UNC5A: variants seen among roughly 807,000 people sequenced by gnomAD.
UNC5A encodes netrin receptor UNC5A.
In UNC5A, 20 loss-of-function variants were observed where a neutral mutation model predicts 87.4. That is an observed-to-expected ratio of 0.23 (90% confidence interval 0.16 to 0.33). UNC5A has a LOEUF of 0.33. Among genes scored for constraint, UNC5A ranks in the 10% least tolerant of loss-of-function variants. UNC5A has a pLI of 1.00. For synonymous variants in UNC5A, 438 were observed against 482.3 expected (o/e 0.91, Z 1.20); for missense variants, 844 against 1,133.4 (o/e 0.74, Z 3.67).
intron 1 of UNC5A, among the ~76,000 whole-genome samples, chr5:176,839,209 C>T (rs1012455259): frequency 6.6e-6 from 1 of 152,222 alleles, no homozygotes; most frequent in Non-Finnish European, 1.5e-5. Flanking sequence ...TCTGACCCCT[C>T]ACAGCACCTA....
chr5:176,848,387 T>C lies in UNC5A; in HGVS notation c.71-14237T>C, dbSNP rs986526273. ...GTGACACTGAGGCCACCCCTCTCTT[T>C]CCTCCATGTTCCTCCAAGACCCTAG... On this transcript the variant is annotated intron_variant, in intron 1 of 14. Transcript: ENST00000329542. The surrounding 1 kb of genome is among the most constrained non-coding windows in gnomAD (Gnocchi z 5.8). Among the ~76,000 whole-genome samples the C allele has an allele frequency of 3.9e-5, 6 of 152,002 alleles. No homozygotes were observed. Among genetic ancestry groups the C allele is most frequent in the Non-Finnish European group, 8.8e-5 (6 of 68,000 alleles).
chr5:176,854,830 C>A (rs1456843306), intron 1 of UNC5A, among the ~76,000 whole-genome samples: 2 of 152,198 alleles, frequency 1.3e-5, no homozygotes, highest in Non-Finnish European at 2.9e-5. Flanking sequence ...TATGGGAAGA[C>A]ACATGCATAA....
chr5:176,866,782 C>T lies in UNC5A; in HGVS notation c.293-1348C>T, dbSNP rs1373205117. On this transcript the variant is annotated intron_variant, in intron 2 of 14. Transcript: ENST00000329542. This position sits in a 1 kb window ranked among gnomAD's most constrained non-coding sequence, Gnocchi z 5.0. ...CACCCCCTCGTTCTCAGCCTGCCCA[C>T]CCCACCCCCTGAGAGTGTCCACACT... is the stretch of plus-strand genomic sequence containing the variant. 1.3e-5 allele frequency among the ~76,000 whole-genome samples: 2 copies of T among 152,124 alleles called. No homozygotes were observed. Among genetic ancestry groups the T allele is most frequent in the African/African-American group, 4.8e-5 (2 of 41,436 alleles).
At chr5:176,817,923 G>A (rs951898384) in intron 1 of UNC5A, among the ~76,000 whole-genome samples, 1 of 152,024 alleles carries the variant, frequency 6.6e-6, no homozygotes, top group African/African-American at 2.4e-5. Context: ...GGGAAGGGGC[G>A]GGATGCCTCC....
chr5:176,837,070 T>C (rs1411431974), intron 1 of UNC5A, among the ~76,000 whole-genome samples: 1 of 152,164 alleles, frequency 6.6e-6, no homozygotes. Context: ...GTGCCTTCCC[T>C]CTCACCAGAC....
Position 176,880,072 on chromosome 5 carries a change from C to A in UNC5A, c.*186C>A. On this transcript the variant is annotated 3_prime_UTR_variant, in exon 15 of 15. Coordinates refer to ENST00000329542, the MANE Select transcript of UNC5A (RefSeq NM_133369.3). ...GAACTCCCACCTCTCCATGGCCTGCCTAGCCAGGCTGGCACTGCCACTCAC... is the reference window on the plus strand; with the variant it reads ...GAACTCCCACCTCTCCATGGCCTGCATAGCCAGGCTGGCACTGCCACTCAC... 1 of 776,632 alleles carries A rather than the reference C, an allele frequency of 1.3e-6. No individual in the cohort carries two copies. The highest frequency in any genetic ancestry group is 2.0e-6 in the Non-Finnish European group (1 of 506,516). The allele number at this position is 776,632 out of a possible 1,614,324, so 48.1% of individuals were successfully genotyped here. A position where few individuals can be genotyped will look rare whatever the true frequency, so the allele number is the denominator to read the frequency against.
rs1047678944 is a variant in UNC5A at position 176,869,217 on chromosome 5, T to G, written c.721+253T>G. 5.9e-5 allele frequency among the ~76,000 whole-genome samples: 9 copies of G among 151,988 alleles called. No homozygotes were observed. The highest frequency in any genetic ancestry group is 3.3e-4 in the Admixed American group (5 of 15,274). ...GTGCAGAAGGAGATGAGGGACAGGA[T>G]GGGAATCTAGGAAAGGTGACAGGCT... On this transcript the variant is annotated intron_variant, in intron 5 of 14. Coordinates refer to ENST00000329542, the MANE Select transcript of UNC5A (RefSeq NM_133369.3). The surrounding 1 kb of genome is among the most constrained non-coding windows in gnomAD (Gnocchi z 9.1).
Position 176,843,209 on chromosome 5 carries a change from A to G in UNC5A, c.71-19415A>G, listed in dbSNP as rs496266. ...GAAAGAAAGAAAAAAAGAAAAGAAA[A>G]TCATCAAAATGTGGAAACAGCCCAG... On this transcript the variant is annotated intron_variant, in intron 1 of 14. Transcript: ENST00000329542. Among the ~76,000 whole-genome samples the G allele has an allele frequency of 8.1e-3, 1,235 of 152,096 alleles. 15 individuals carry two copies. The highest frequency in any genetic ancestry group is 0.028 in the African/African-American group (1,151 of 41,518).
At chr5:176,864,524 C>A (rs1474837948) in intron 2 of UNC5A, among the ~76,000 whole-genome samples, 7 of 152,312 alleles carry the variant, frequency 4.6e-5, no homozygotes, top group African/African-American at 1.7e-4. Flanking sequence ...AGCCCCAGAA[C>A]CAGCTTGTCA....
At chr5:176,829,166 ATG>A (rs1756927473) in intron 1 of UNC5A, among the ~76,000 whole-genome samples, 1 of 46,492 alleles carries the variant, frequency 2.2e-5, no homozygotes, top group Admixed American at 2.3e-4. Context: ...AGATGGATGG[ATG>A]GATGGATGGA....
At position 176,810,643 on chromosome 5, in the gene UNC5A, C is replaced by A; in HGVS notation, c.-108C>A. ...GCCCGGAGGCAGCGCAGTCCGCTGG[C>A]ATGGGCCCCGGGGGCGCCCCGAGCT... On this transcript the variant is annotated 5_prime_UTR_variant, in exon 1 of 15. Transcript: ENST00000329542. This position sits in a 1 kb window ranked among gnomAD's most constrained non-coding sequence, Gnocchi z 7.3. 1 of 271,696 alleles carries A rather than the reference C, an allele frequency of 3.7e-6. No homozygotes were observed. The highest frequency in any genetic ancestry group is 5.6e-6 in the Non-Finnish European group (1 of 179,320). The allele number at this position is 271,696 out of a possible 1,614,324, so 16.8% of individuals were successfully genotyped here.
rs749161449 is a variant in UNC5A, at chr5:176,878,033, G to A, written c.1775G>A (p.Arg592His). 12 of 1,608,542 alleles carry A rather than the reference G, an allele frequency of 7.5e-6. No individual in the cohort carries two copies. The highest frequency in any genetic ancestry group is 1.3e-5 in the African/African-American group (1 of 74,928). ...GCCCTCAGCGTGGCTGCCGCCAAGCGCCTCAAGCTGCTTCTGTTTGCGCCG... is the reference window on the plus strand; with the variant it reads ...GCCCTCAGCGTGGCTGCCGCCAAGCACCTCAAGCTGCTTCTGTTTGCGCCG... Reference protein sequence around the residue: ...GEALSVAAAKRLKLLLFAPVA... With the variant: ...GEALSVAAAKHLKLLLFAPVA... Residue 592 changes from arginine (R) to histidine (H), a missense_variant, in exon 11 of 15, where the codon CGC (arginine) becomes CAC (histidine). By Grantham distance (29) the Arg-to-His change is conservative. Transcript: ENST00000329542.
At chr5:176,849,354 G>A (rs1757487246) in intron 1 of UNC5A, among the ~76,000 whole-genome samples, 1 of 152,220 alleles carries the variant, frequency 6.6e-6, no homozygotes, top group South Asian at 2.1e-4. Flanking sequence ...GGAGGCCAAG[G>A]CAGGTGGATC....
At chr5:176,870,871 C>T (rs1322579067) in intron 6 of UNC5A, among the ~76,000 whole-genome samples, 3 of 148,286 alleles carry the variant, frequency 2.0e-5, no homozygotes, top group Non-Finnish European at 4.5e-5. Context: ...CACAGCTTCC[C>T]ATCTGCCCAC....
chr5:176,868,852 G>C lies in UNC5A; in HGVS notation c.609G>C (p.Glu203Asp). The change falls in exon 5 of 15, where the codon GAG becomes GAC. Residue 203 changes from glutamate to aspartate, a missense_variant. This residue lies in a region of UNC5A where 314 missense variants were observed against 466.5 expected (regional missense o/e 0.67). Coordinates refer to ENST00000329542, the MANE Select transcript of UNC5A (RefSeq NM_133369.3). Reference sequence around the variant, plus strand: ...ACCCCAATGTATACATCACGCGGGAGCACAGCCTGGTGGTGCGACAGGCCC... The same window carrying C: ...ACCCCAATGTATACATCACGCGGGACCACAGCCTGGTGGTGCGACAGGCCC... ...SLDPNVYITREHSLVVRQARL... is the reference protein window; with the variant it reads ...SLDPNVYITRDHSLVVRQARL... The C allele has an allele frequency of 6.2e-7, 1 of 1,612,876 alleles. No individual in the cohort carries two copies. Among genetic ancestry groups the C allele is most frequent in the South Asian group, 1.1e-5 (1 of 91,078 alleles).
At position 176,875,627 on chromosome 5, in the gene UNC5A, C is replaced by T. The variant is rs926891429; in HGVS notation, c.1378+1061C>T. On this transcript the variant is annotated intron_variant, in intron 8 of 14. Transcript: ENST00000329542. This position sits in a 1 kb window ranked among gnomAD's most constrained non-coding sequence, Gnocchi z 5.2. Reference sequence around the variant, plus strand: ...CAAATGAAGCCAGAGTTGATCATGACCCTCTCGTGCTCGAATCCCTTCTGG... The same window carrying T: ...CAAATGAAGCCAGAGTTGATCATGATCCTCTCGTGCTCGAATCCCTTCTGG... 6.6e-6 allele frequency among the ~76,000 whole-genome samples: 1 copy of T among 152,182 alleles called. No individual in the cohort carries two copies. Among genetic ancestry groups the T allele is most frequent in the Non-Finnish European group, 1.5e-5 (1 of 68,040 alleles).
At chr5:176,876,022 G>GC (rs1018884829) in intron 8 of UNC5A, among the ~76,000 whole-genome samples, 3 of 152,250 alleles carry the variant, frequency 2.0e-5, no homozygotes, top group African/African-American at 7.2e-5. Flanking sequence ...CGCTCCCCAG[G>GC]CCGGGGGGTG....
chr5:176,819,205 C>G (rs373762982), intron 1 of UNC5A, among the ~76,000 whole-genome samples: 2 of 152,156 alleles, frequency 1.3e-5, no homozygotes, highest in East Asian at 3.9e-4. Context: ...GAATCCCAAC[C>G]CCCCACATCT....
intron 1 of UNC5A, among the ~76,000 whole-genome samples, chr5:176,859,732 G>A (rs1426558373): frequency 1.2e-5 from 1 of 80,788 alleles, no homozygotes; most frequent in African/African-American, 3.0e-5. Flanking sequence ...ATAGCTGCTA[G>A]AATGATGTCC....
Sources: allele counts gnomAD v4.1 joint callset (sites outside exome capture counted in the v4.1 genomes callset), GRCh38; gene constraint gnomAD v4.1.1; regional missense constraint gnomAD v4.1.1; non-coding constraint Gnocchi (gnomAD v3.1); transcripts MANE v1.5; gene names NCBI Gene and HGNC (gene_info 2026-07-23, HGNC 2026-07-21).